LGMN: variants seen among roughly 807,000 people sequenced by gnomAD.
LGMN encodes legumain, also known as asparaginyl endopeptidase.
In LGMN, 36 loss-of-function variants were observed where a neutral mutation model predicts 56.8. The ratio of observed to expected loss-of-function variants is 0.63; its 90% CI spans 0.49 to 0.84. The LOEUF (loss-of-function observed/expected upper bound fraction) is 0.84. Ranked by LOEUF, LGMN falls within the 40% of genes least tolerant of loss-of-function variation. The probability of loss-of-function intolerance (pLI) is 0.00; values close to 1 mark genes in which losing one functional copy is unlikely to be tolerated. For synonymous variants in LGMN, 199 were observed against 210.1 expected (o/e 0.95, Z 0.46); for missense variants, 446 against 556.1 (o/e 0.80, Z 1.99).
At chr14:92,729,476 C>A (rs1225758405) in intron 2 of LGMN, among the ~76,000 whole-genome samples, 1 of 63,816 alleles carries the variant, frequency 1.6e-5, no homozygotes, top group African/African-American at 5.1e-5. Context: ...CGCCCCCCCC[C>A]CCCGCCCCCG....
intron 10 of LGMN, 40 bp from the exon 11 acceptor site, chr14:92,709,912 G>A (rs577733017): frequency 7.4e-6 from 11 of 1,485,312 alleles, no homozygotes; most frequent in African/African-American, 4.2e-5. Context: ...GAGAGAAAGC[G>A]AGAGAGAGTG....
chr14:92,742,853 T>G (rs1891622439), intron 1 of LGMN: 1 of 151,968 alleles, frequency 6.6e-6, no homozygotes, highest in South Asian at 2.1e-4. Context: ...CAGACCAGCC[T>G]GGGCAACATA....
In LGMN at chr14:92,732,723, C is replaced by A. The variant is rs1891114399; in HGVS notation, c.64G>T (p.Asp22Tyr). Residue 22 changes from aspartate to tyrosine, a missense_variant, in exon 2 of 14, where the codon GAT (aspartate) becomes TAT (tyrosine). Asp to Tyr is a radical substitution (Grantham distance 160). Transcript: ENST00000334869. ...CAGTGCTTGCCTCCATCTTCAGGAT[C>A]ATCTATAGGAACGGCACCAATGCCC... The part of the protein sequence containing the change: ...ALGIGAVPID[D>Y]PEDGGKHWVV... 6.2e-7 allele frequency: 1 copy of A among 1,614,074 alleles called. No individual in the cohort carries two copies. Among genetic ancestry groups the A allele is most frequent in the Admixed American group, 1.7e-5 (1 of 59,998 alleles).
chr14:92,704,171 G>T lies in LGMN; in HGVS notation c.*148C>A. The T allele has an allele frequency of 2.2e-6, 2 of 926,730 alleles. No homozygotes were observed. The highest frequency in any genetic ancestry group is 3.5e-6 in the Non-Finnish European group (2 of 563,808). 57.4% of individuals were successfully genotyped at this position (926,730 alleles called of 1,614,324 possible). On this transcript the variant is annotated 3_prime_UTR_variant, in exon 14 of 14. Coordinates refer to ENST00000334869, the MANE Select transcript of LGMN (RefSeq NM_005606.7). ...CAGGTAACAGCGAGCAAGTCATCTT[G>T]TGAAGAAGGTCCTGGAGCGAGCCCT...
At chr14:92,707,712 A>T (rs938534534) in intron 11 of LGMN, among the ~76,000 whole-genome samples, 4 of 152,250 alleles carry the variant, frequency 2.6e-5, no homozygotes, top group African/African-American at 9.6e-5. Context: ...AATATTTTTA[A>T]ATCTTAGTTT....
In LGMN at chr14:92,714,660, A is replaced by T. The variant is rs1209160625; in HGVS notation, c.405-209T>A. Among the ~76,000 whole-genome samples, 2 of 152,130 alleles carry T rather than the reference A, an allele frequency of 1.3e-5. No individual in the cohort carries two copies. The highest frequency in any genetic ancestry group is 4.8e-5 in the African/African-American group (2 of 41,440). ...GATTCTGAACCACAGTATAGATCCT[A>T]GAGCCTCCAAATTCTGAACTACGGC... On this transcript the variant is annotated intron_variant, in intron 5 of 13. Transcript: ENST00000334869. This position sits in a 1 kb window ranked among gnomAD's most constrained non-coding sequence, Gnocchi z 5.1.
chr14:92,727,264 T>G (rs1350479081), intron 2 of LGMN, among the ~76,000 whole-genome samples: 1 of 151,792 alleles, frequency 6.6e-6, no homozygotes, highest in Non-Finnish European at 1.5e-5. Flanking sequence ...ACCCCGTCTC[T>G]ACTAAAAATA....
intron 7 of LGMN, among the ~76,000 whole-genome samples, chr14:92,713,243 T>C (rs1003881650): frequency 6.6e-6 from 1 of 151,986 alleles, no homozygotes; most frequent in African/African-American, 2.4e-5. Flanking sequence ...TTTTTTGTTT[T>C]GTTTTTTTGT....
intron 2 of LGMN, among the ~76,000 whole-genome samples, chr14:92,731,267 A>G (rs1891037544): frequency 6.6e-6 from 1 of 152,254 alleles, no homozygotes; most frequent in Non-Finnish European, 1.5e-5. Context: ...TGAGACTGAC[A>G]AGATTAAATG....
At chr14:92,717,720 G>A (rs990429055) in intron 3 of LGMN, among the ~76,000 whole-genome samples, 6 of 152,200 alleles carry the variant, frequency 3.9e-5, no homozygotes, top group African/African-American at 7.2e-5. Flanking sequence ...GCATAGGTGC[G>A]CCTGGCTGCC....
intron 1 of LGMN, among the ~76,000 whole-genome samples, chr14:92,736,975 G>C (rs1057430436): frequency 1.3e-5 from 2 of 152,180 alleles, no homozygotes; most frequent in Non-Finnish European, 2.9e-5. Context: ...AGAGAGGTGT[G>C]ACAGTCACTA....
At chr14:92,712,356 A>G (rs889266940) in intron 8 of LGMN, among the ~76,000 whole-genome samples, 6 of 152,292 alleles carry the variant, frequency 3.9e-5, no homozygotes, top group East Asian at 3.9e-4. Context: ...ACCACTTACT[A>G]TCTCTCTACC....
chr14:92,710,854 T>G (rs981970790), intron 10 of LGMN, among the ~76,000 whole-genome samples: 2 of 152,178 alleles, frequency 1.3e-5, no homozygotes, highest in Non-Finnish European at 2.9e-5. Flanking sequence ...CCTGACCAGG[T>G]CATTGTGCCC....
At chr14:92,718,721 C>A (rs750684342) in intron 3 of LGMN, 26 bp downstream of exon 3, 2 of 1,505,744 alleles carry the variant, frequency 1.3e-6, no homozygotes, top group Non-Finnish European at 1.8e-6. Context: ...TCCTTCCCCA[C>A]CAAGTTCCAA....
At chr14:92,742,531 C>T (rs1242102454) in intron 1 of LGMN, among the ~76,000 whole-genome samples, 2 of 152,098 alleles carry the variant, frequency 1.3e-5, no homozygotes, top group Non-Finnish European at 2.9e-5. Flanking sequence ...AAGTGATGCA[C>T]CTGCCTTAGC....
At chr14:92,735,909 G>A (rs1891283590) in intron 1 of LGMN, among the ~76,000 whole-genome samples, 1 of 152,034 alleles carries the variant, frequency 6.6e-6, no homozygotes. Context: ...ATGTGCACCT[G>A]AGGAGGCTCC....
intron 2 of LGMN, among the ~76,000 whole-genome samples, chr14:92,727,045 G>T (rs535639121): frequency 6.6e-6 from 1 of 152,294 alleles, no homozygotes; most frequent in East Asian, 1.9e-4. Flanking sequence ...GATTTTGTTT[G>T]GATGTGACAC....
rs144508981 is a variant in LGMN, at chr14:92,737,464, T to C, written c.-29-4649A>G. 2.4e-3 allele frequency among the ~76,000 whole-genome samples: 364 copies of C among 152,250 alleles called. 4 individuals carry two copies. Among genetic ancestry groups the C allele is most frequent in the African/African-American group, 8.6e-3 (356 of 41,542 alleles). The stretch of plus-strand genomic sequence containing the variant: ...AGCATGCCTGCTACTCCCTCCCACC[T>C]GGGGAGTTTTTGGCCTAGTCCTGCC... On this transcript the variant is annotated intron_variant, in intron 1 of 13. Coordinates refer to ENST00000334869, the MANE Select transcript of LGMN (RefSeq NM_005606.7).
chr14:92,732,897 T>A, intron 1 of LGMN, 82 bp from the exon 2 acceptor site: 1 of 1,120,460 alleles, frequency 8.9e-7, no homozygotes. Context: ...ACACCTGTAA[T>A]TCCAGCACTT....
Sources: gnomAD v4.1 joint callset for allele counts (sites outside exome capture counted in the v4.1 genomes callset) on GRCh38, gnomAD v4.1.1 for gene constraint, Gnocchi (gnomAD v3.1) non-coding constraint, MANE v1.5 for transcripts, NCBI Gene and HGNC (gene_info 2026-07-23, HGNC 2026-07-21) for gene names.